Variants in SPAG16 observed in about 807,000 individuals in gnomAD.
SPAG16 encodes sperm associated antigen 16, also known as sperm-associated antigen 16 protein.
A neutral mutation model predicts 80.4 loss-of-function variants in SPAG16; 86 were observed. The ratio of observed to expected loss-of-function variants is 1.07; its 90% CI spans 0.90 to 1.28. The LOEUF is 1.28. Ranked by LOEUF, SPAG16 falls within the 50% of genes most tolerant of loss-of-function variation. The pLI, the probability that SPAG16 is intolerant of heterozygous loss-of-function variation, is 0.00. For synonymous variants in SPAG16, 294 were observed against 265.9 expected, an observed-to-expected ratio of 1.11 and a Z score of -1.03; for missense variants, 870 against 765.3, an observed-to-expected ratio of 1.14 and a Z score of -1.61.
At chr2:213,466,442 T>A (rs1179455696) in intron 9 of SPAG16, among the ~76,000 whole-genome samples, 1 of 152,218 alleles carries the variant, frequency 6.6e-6, no homozygotes, top group Non-Finnish European at 1.5e-5. Context: ...CTGCCTGAGT[T>A]TCTTTCATTA....
chr2:213,606,230 T>C (rs968301047), intron 10 of SPAG16, among the ~76,000 whole-genome samples: 1 of 152,240 alleles, frequency 6.6e-6, no homozygotes, highest in Non-Finnish European at 1.5e-5. Flanking sequence ...TCCTAATGTT[T>C]GCTTTTTATG....
chr2:213,493,799 T>C (rs571845162), intron 10 of SPAG16, among the ~76,000 whole-genome samples: 1 of 151,966 alleles, frequency 6.6e-6, no homozygotes, highest in East Asian at 1.9e-4. Context: ...TGTTTAAAAA[T>C]TTTTTTTTCT....
intron 15 of SPAG16, among the ~76,000 whole-genome samples, chr2:214,368,804 C>G (rs1699641931): frequency 6.6e-6 from 1 of 152,074 alleles, no homozygotes; most frequent in Admixed American, 6.6e-5. Context: ...CACCATGGAC[C>G]TTTGTAATTA....
intron 10 of SPAG16, among the ~76,000 whole-genome samples, chr2:213,756,987 T>A (rs1309000841): frequency 6.6e-6 from 1 of 152,148 alleles, no homozygotes; most frequent in East Asian, 1.9e-4. Context: ...AAATCCTAAA[T>A]ATTCCACATA....
chr2:214,320,083 T>C (rs1227512181), intron 15 of SPAG16, among the ~76,000 whole-genome samples: 1 of 152,082 alleles, frequency 6.6e-6, no homozygotes, highest in Admixed American at 6.5e-5. Context: ...CTCTGTGTTC[T>C]AGCCCCTACC....
intron 10 of SPAG16, among the ~76,000 whole-genome samples, chr2:213,561,783 C>T (rs982506558): frequency 2.0e-5 from 3 of 151,990 alleles, no homozygotes; most frequent in African/African-American, 4.8e-5. Flanking sequence ...TCAAAAAATG[C>T]CTTTTGTTGT....
chr2:213,724,653 C>A (rs2066673563), intron 10 of SPAG16, among the ~76,000 whole-genome samples: 1 of 151,676 alleles, frequency 6.6e-6, no homozygotes. Flanking sequence ...TGGCGAGTGC[C>A]TGTAGTCCCA....
chr2:214,057,588 T>A (rs763778055), intron 13 of SPAG16, among the ~76,000 whole-genome samples: 2 of 152,182 alleles, frequency 1.3e-5, no homozygotes, highest in Non-Finnish European at 2.9e-5. Context: ...TTAATGAGCA[T>A]TGGCTTCAAC....
At chr2:214,387,296 T>A (rs958739959) in intron 15 of SPAG16, among the ~76,000 whole-genome samples, 1 of 152,232 alleles carries the variant, frequency 6.6e-6, no homozygotes, top group Non-Finnish European at 1.5e-5. Flanking sequence ...TATCTAATAC[T>A]CTATATTAAA....
At chr2:213,718,148 A>C (rs1425389309) in intron 10 of SPAG16, among the ~76,000 whole-genome samples, 3 of 113,684 alleles carry the variant, frequency 2.6e-5, no homozygotes, top group African/African-American at 9.0e-5. Flanking sequence ...AAACAAGTTT[A>C]CAAAAAAAAA....
chr2:213,885,743 A>G (rs531047122), intron 11 of SPAG16, among the ~76,000 whole-genome samples: 3 of 152,308 alleles, frequency 2.0e-5, no homozygotes, highest in Non-Finnish European at 2.9e-5. Context: ...ACGTTTCACA[A>G]AACAATTCAG....
intron 15 of SPAG16, among the ~76,000 whole-genome samples, chr2:214,157,635 G>T (rs1413123360): frequency 6.6e-6 from 1 of 151,884 alleles, no homozygotes; most frequent in Non-Finnish European, 1.5e-5. Flanking sequence ...CATTCTGATT[G>T]GTTGGTGATC....
intron 10 of SPAG16, among the ~76,000 whole-genome samples, chr2:213,643,348 T>C (rs13020625): frequency 2.6e-5 from 1 of 39,134 alleles, no homozygotes; most frequent in African/African-American, 1.0e-4. Flanking sequence ...GATCTTAATT[T>C]TATATATATA....
At chr2:214,307,545 C>T (rs1237638337) in intron 15 of SPAG16, among the ~76,000 whole-genome samples, 2 of 150,458 alleles carry the variant, frequency 1.3e-5, no homozygotes, top group East Asian at 1.9e-4. Flanking sequence ...TATAAATTTC[C>T]CTCTTAACAC....
At chr2:213,736,529 C>T (rs1397364190) in intron 10 of SPAG16, among the ~76,000 whole-genome samples, 1 of 152,036 alleles carries the variant, frequency 6.6e-6, no homozygotes. Context: ...CTCAGATGAT[C>T]CACCTGCCTC....
At chr2:213,365,461 AT>A (rs5838380) in intron 8 of SPAG16, 28,488 of 146,866 alleles carry the variant, frequency 0.19, 3,505 homozygotes, top group Non-Finnish European at 0.29. Context: ...ACTAAAATGA[AT>A]TTTTTTTTTT....
chr2:214,035,725 G>A (rs1575912729), intron 13 of SPAG16, among the ~76,000 whole-genome samples: 1 of 152,328 alleles, frequency 6.6e-6, no homozygotes, highest in East Asian at 1.9e-4. Context: ...GCCATGGCTT[G>A]GGTGGCTGTA....
chr2:214,096,386 A>T (rs983850735), intron 13 of SPAG16, among the ~76,000 whole-genome samples: 1 of 151,954 alleles, frequency 6.6e-6, no homozygotes, highest in African/African-American at 2.4e-5. Flanking sequence ...ACTGTGTTGG[A>T]CATATTGTGA....
At chr2:214,096,211 C>T (rs756477831) in intron 13 of SPAG16, among the ~76,000 whole-genome samples, 1 of 150,824 alleles carries the variant, frequency 6.6e-6, no homozygotes, top group Non-Finnish European at 1.5e-5. Context: ...ACTATATTTC[C>T]TTTGCATTAT....
Sources: gnomAD v4.1 joint callset for allele counts (sites outside exome capture counted in the v4.1 genomes callset) on GRCh38, gnomAD v4.1.1 for gene constraint, MANE v1.5 for transcripts, NCBI Gene and HGNC (gene_info 2026-07-23, HGNC 2026-07-21) for gene names.